KCMF1: variants seen among roughly 807,000 people sequenced by gnomAD.
KCMF1 encodes E3 ubiquitin-protein ligase KCMF1.
Under a neutral mutation model 41.1 loss-of-function variants are expected in KCMF1, and 3 were observed. The ratio of observed to expected loss-of-function variants is 0.07; its 90% CI spans 0.03 to 0.19. The LOEUF (loss-of-function observed/expected upper bound fraction) is 0.19. KCMF1 is among the 10% of genes least tolerant of loss of function. The pLI, the probability that KCMF1 is intolerant of heterozygous loss-of-function variation, is 1.00. For missense variants in KCMF1, 286 were observed against 488.9 expected, an observed-to-expected ratio of 0.58 and a Z score of 3.91; for synonymous variants, 142 against 164.5, an observed-to-expected ratio of 0.86 and a Z score of 1.04.
At chr2:85,052,192 C>A (rs1675825222) in intron 6 of KCMF1, among the ~76,000 whole-genome samples, 1 of 152,172 alleles carries the variant, frequency 6.6e-6, no homozygotes, top group African/African-American at 2.4e-5. Flanking sequence ...ACTTCAGCCT[C>A]CCGAGTAGCT....
chr2:84,979,215 C>T (rs1673637946), intron 1 of KCMF1, among the ~76,000 whole-genome samples: 1 of 152,068 alleles, frequency 6.6e-6, no homozygotes, highest in Admixed American at 6.6e-5. Context: ...ATTGAATTAT[C>T]CTAGAAATAA....
intron 3 of KCMF1, among the ~76,000 whole-genome samples, chr2:85,038,618 T>C (rs146633718): frequency 3.3e-5 from 5 of 151,826 alleles, no homozygotes; most frequent in African/African-American, 7.3e-5. Flanking sequence ...TCTTCTTCTT[T>C]TTTTTCTTTT....
At position 85,053,508 on chromosome 2, in the gene KCMF1, C is replaced by G. The variant is rs1444393669; in HGVS notation, c.*99C>G. 1 of 1,200,494 alleles carries G rather than the reference C, an allele frequency of 8.3e-7. No homozygotes were observed. Among genetic ancestry groups the G allele is most frequent in the Non-Finnish European group, 1.2e-6 (1 of 864,788 alleles). 74.4% of individuals were successfully genotyped at this position (1,200,494 alleles called of 1,614,324 possible). Reference sequence around the variant, plus strand: ...TTGTTTGGTGATTGTAATTTCAGGTCTGTCACTCTTGTTACATTGTGTACA... The same window carrying G: ...TTGTTTGGTGATTGTAATTTCAGGTGTGTCACTCTTGTTACATTGTGTACA... On this transcript the variant is annotated 3_prime_UTR_variant, in exon 7 of 7. Transcript: ENST00000409785.
chr2:85,035,835 T>C (rs1481133258), intron 3 of KCMF1, among the ~76,000 whole-genome samples: 1 of 152,180 alleles, frequency 6.6e-6, no homozygotes, highest in East Asian at 1.9e-4. Context: ...CTCTTTACCA[T>C]TGATAATAAT....
At chr2:85,047,760 C>T (rs1675707907) in intron 5 of KCMF1, among the ~76,000 whole-genome samples, 1 of 151,994 alleles carries the variant, frequency 6.6e-6, no homozygotes, top group Admixed American at 6.6e-5. Context: ...AGTGGTAAGA[C>T]AGTGGGAAGT....
intron 1 of KCMF1, among the ~76,000 whole-genome samples, chr2:85,001,169 T>C (rs1222905168): frequency 1.3e-5 from 2 of 151,356 alleles, no homozygotes; most frequent in Admixed American, 6.6e-5. Context: ...AATTTTTTCA[T>C]TTTTTTGAGA....
chr2:85,040,556 T>C (rs1675503905), intron 3 of KCMF1, among the ~76,000 whole-genome samples: 1 of 152,196 alleles, frequency 6.6e-6, no homozygotes, highest in Non-Finnish European at 1.5e-5. Context: ...AAACACAGTC[T>C]TGAGAACAAG....
chr2:84,998,782 T>C (rs924361941), intron 1 of KCMF1, among the ~76,000 whole-genome samples: 1 of 151,278 alleles, frequency 6.6e-6, no homozygotes, highest in Non-Finnish European at 1.5e-5. Context: ...TTTTTTTTTT[T>C]TGTATTTTTA....
At position 85,043,434 on chromosome 2, in the gene KCMF1, T is replaced by C. The variant is rs866015482; in HGVS notation, c.325-130T>C. ...TGCTTAGGTTTCTACTGCTTTTCAC[T>C]GATTTAGGATCTGCTGTGTTTTCTG... On this transcript the variant is annotated intron_variant, in intron 3 of 6. Coordinates refer to ENST00000409785, the MANE Select transcript of KCMF1 (RefSeq NM_020122.5). 57 of 663,606 alleles carry C rather than the reference T, an allele frequency of 8.6e-5. No homozygotes were observed. The African/African-American group carries it at 9.0e-4, about 10-fold the overall frequency. 41.1% of individuals were successfully genotyped at this position (663,606 alleles called of 1,614,324 possible).
At chr2:85,008,079 A>G (rs532835146) in intron 1 of KCMF1, among the ~76,000 whole-genome samples, 23 of 151,620 alleles carry the variant, frequency 1.5e-4, no homozygotes, top group African/African-American at 4.6e-4. Context: ...TGTGTTCTAT[A>G]AAGTTTACAT....
chr2:84,990,090 G>A (rs1674001618), intron 1 of KCMF1, among the ~76,000 whole-genome samples: 2 of 152,214 alleles, frequency 1.3e-5, no homozygotes, highest in African/African-American at 4.8e-5. Context: ...GAAAGGTCAA[G>A]AAGATAAGGA....
intron 1 of KCMF1, among the ~76,000 whole-genome samples, chr2:85,017,218 G>A (rs1366293530): frequency 6.6e-6 from 1 of 151,206 alleles, no homozygotes; most frequent in Admixed American, 6.6e-5. Context: ...AGTAGAGACG[G>A]GGTTTCACCT....
intron 1 of KCMF1, among the ~76,000 whole-genome samples, chr2:84,993,404 C>G (rs1482097120): frequency 6.6e-6 from 1 of 151,946 alleles, no homozygotes; most frequent in Non-Finnish European, 1.5e-5. Flanking sequence ...CAGAGAAGAT[C>G]ACCGAGGTGA....
intron 3 of KCMF1, among the ~76,000 whole-genome samples, chr2:85,042,867 A>G (rs959013006): frequency 1.9e-4 from 29 of 152,102 alleles, no homozygotes; most frequent in Non-Finnish European, 1.9e-4. Context: ...GTGACTGTGT[A>G]CACACCATTT....
intron 1 of KCMF1, among the ~76,000 whole-genome samples, chr2:84,986,541 G>A (rs149819324): frequency 4.1e-4 from 62 of 152,158 alleles, no homozygotes; most frequent in African/African-American, 1.5e-3. Context: ...CAGAGTTTCT[G>A]GAACAGAAGA....
intron 1 of KCMF1, among the ~76,000 whole-genome samples, chr2:85,003,495 T>G (rs1674384974): frequency 6.6e-6 from 1 of 151,912 alleles, no homozygotes. Context: ...AAAATAAGTC[T>G]TGTTTTACAT....
chr2:85,008,589 C>A (rs1171269884), intron 1 of KCMF1, among the ~76,000 whole-genome samples: 1 of 150,722 alleles, frequency 6.6e-6, no homozygotes, highest in Admixed American at 6.7e-5. Context: ...ACTAAATAGA[C>A]CATGAAAACG....
At chr2:85,026,029 C>T (rs948852734) in intron 1 of KCMF1, among the ~76,000 whole-genome samples, 13 of 152,010 alleles carry the variant, frequency 8.6e-5, no homozygotes, top group African/African-American at 3.1e-4. Flanking sequence ...CTCACTCTGT[C>T]GCCTAGGCTG....
intron 1 of KCMF1, among the ~76,000 whole-genome samples, chr2:84,988,163 C>T (rs1013504908): frequency 1.3e-5 from 2 of 151,666 alleles, no homozygotes; most frequent in African/African-American, 4.9e-5. Context: ...ACCCAGGAGG[C>T]AGAGGTTGCG....
Sources: allele counts gnomAD v4.1 joint callset (sites outside exome capture counted in the v4.1 genomes callset), GRCh38; gene constraint gnomAD v4.1.1; transcripts MANE v1.5; gene names NCBI Gene and HGNC (gene_info 2026-07-23, HGNC 2026-07-21).